Variants in FER1L5 observed in about 807,000 individuals in gnomAD.
FER1L5 encodes the protein fer-1 like family member 5, also known as fer-1-like protein 5.
Under a neutral mutation model 279.9 loss-of-function variants are expected in FER1L5, and 187 were observed. The observed-to-expected ratio is 0.67, with a 90% CI of 0.59 to 0.75. The LOEUF (loss-of-function observed/expected upper bound fraction) is 0.75, where lower values mean the gene tolerates loss of function less well. FER1L5 is among the 30% of genes least tolerant of loss of function. The probability of loss-of-function intolerance (pLI) is 0.00; values close to 1 mark genes in which losing one functional copy is unlikely to be tolerated. For missense variants in FER1L5, 2,091 were observed against 2,594.4 expected (o/e 0.81, Z 4.21); for synonymous variants, 921 against 989.7 (o/e 0.93, Z 1.30).
chr2:96,691,062 A>T lies in FER1L5; in HGVS notation c.2744-128A>T. The T allele has an allele frequency of 8.1e-7, 1 of 1,238,990 alleles. No homozygotes were observed. Among genetic ancestry groups the T allele is most frequent in the Non-Finnish European group, 1.1e-6 (1 of 917,718 alleles). The allele number at this position is 1,238,990 out of a possible 1,614,324, so 76.7% of individuals were successfully genotyped here. ...ACAGTGTAGCCACACTCTCCTTTCC[A>T]CACCTCAGGGCCAGAGACCTGGATG... On this transcript the variant is annotated intron_variant, in intron 27 of 52. Transcript: ENST00000624922. This position sits in a 1 kb window ranked among gnomAD's most constrained non-coding sequence, Gnocchi z 6.0.
At chr2:96,661,842 T>C in intron 12 of FER1L5, 51 bp downstream of exon 12, 1 of 1,548,198 alleles carries the variant, frequency 6.5e-7, no homozygotes, top group South Asian at 1.2e-5. Context: ...CCCTACACGG[T>C]GATACCCTGG....
Position 96,702,565 on chromosome 2 carries a change from C to A in FER1L5, c.5256-35C>A, listed in dbSNP as rs767372413. On this transcript the variant is annotated intron_variant, in intron 47 of 52. Coordinates refer to ENST00000624922, the MANE Select transcript of FER1L5 (RefSeq NM_001293083.2). The surrounding 1 kb of genome is among the most constrained non-coding windows in gnomAD (Gnocchi z 4.0). ...CTCCAGCTGGGGGATGGGGCCAATGCACATGAGCCACAGGTGATAGGACTC... is the reference window on the plus strand; with the variant it reads ...CTCCAGCTGGGGGATGGGGCCAATGAACATGAGCCACAGGTGATAGGACTC... The A allele has an allele frequency of 2.1e-5, 32 of 1,554,846 alleles. No homozygotes were observed. The highest frequency in any genetic ancestry group is 3.9e-5 in the Admixed American group (2 of 51,158).
intron 31 of FER1L5, among the ~76,000 whole-genome samples, chr2:96,693,139 C>A (rs2077222828): frequency 6.6e-6 from 1 of 150,726 alleles, no homozygotes; most frequent in South Asian, 2.1e-4. Flanking sequence ...TGTGCCACTG[C>A]ACTCCAGCCT....
intron 19 of FER1L5, among the ~76,000 whole-genome samples, chr2:96,678,126 T>G (rs1427299661): frequency 6.6e-6 from 1 of 152,032 alleles, no homozygotes; most frequent in Non-Finnish European, 1.5e-5. Context: ...TTTTTATTAT[T>G]TATTGATTTA....
chr2:96,647,217 T>A lies in FER1L5; in HGVS notation c.230+62T>A, dbSNP rs1224211911. Reference sequence around the variant, plus strand: ...ACCAACGCAGCAGCAAGTTATGTGATCCTTGTCTCTAATCCATAACTCACT... The same window carrying A: ...ACCAACGCAGCAGCAAGTTATGTGAACCTTGTCTCTAATCCATAACTCACT... On this transcript the variant is annotated intron_variant, in intron 3 of 52. Coordinates refer to ENST00000624922, the MANE Select transcript of FER1L5 (RefSeq NM_001293083.2). The A allele has an allele frequency of 2.7e-6, 4 of 1,487,512 alleles. No homozygotes were observed. In the East Asian group the frequency reaches 9.9e-5, roughly 37 times the overall value. The allele number at this position is 1,487,512 out of a possible 1,614,324, so 92.1% of individuals were successfully genotyped here.
chr2:96,659,285 C>A (rs2075729023), intron 9 of FER1L5, among the ~76,000 whole-genome samples: 2 of 148,530 alleles, frequency 1.3e-5, no homozygotes, highest in African/African-American at 5.2e-5. Context: ...TCCAATTTAT[C>A]AAGCTTTCCT....
chr2:96,685,979 C>T lies in FER1L5; in HGVS notation c.1935C>T (p.Thr645=), dbSNP rs779583245. 3.2e-6 allele frequency: 5 copies of T among 1,550,078 alleles called. No individual in the cohort carries two copies. The highest frequency in any genetic ancestry group is 2.0e-5 in the Admixed American group (1 of 50,830). ...GCATGACCTATCAGCCCAAAGCCACCAGCCTGGACAGGAAGAGGTGGCAGC... is the reference window on the plus strand; with the variant it reads ...GCATGACCTATCAGCCCAAAGCCACTAGCCTGGACAGGAAGAGGTGGCAGC... ...LPCMTYQPKA[T]SLDRKRWQLR... Residue 645 remains threonine (T), a synonymous_variant, in exon 22 of 53, where the codon ACC becomes ACT. Coordinates refer to ENST00000624922, the MANE Select transcript of FER1L5 (RefSeq NM_001293083.2).
intron 34 of FER1L5, 27 bp from the exon 35 acceptor site, chr2:96,695,482 T>C (rs760432928): frequency 6.4e-6 from 10 of 1,559,178 alleles, no homozygotes. Context: ...CTGCCCCTTG[T>C]CCTGCCCTCC....
intron 31 of FER1L5, 124 bp from the exon 32 acceptor site, chr2:96,693,382 G>A (rs2077232254): frequency 3.3e-6 from 3 of 918,724 alleles, no homozygotes; most frequent in Middle Eastern, 3.5e-4. Context: ...CCTCTGGGAG[G>A]CCTCAGTGGC....
intron 19 of FER1L5, among the ~76,000 whole-genome samples, chr2:96,679,676 C>T (rs1487160539): frequency 6.6e-6 from 1 of 152,242 alleles, no homozygotes; most frequent in Non-Finnish European, 1.5e-5. Context: ...AAAATACTTA[C>T]TCTGTTCCAT....
intron 9 of FER1L5, among the ~76,000 whole-genome samples, chr2:96,660,066 G>A (rs962485069): frequency 2.6e-5 from 4 of 152,142 alleles, no homozygotes; most frequent in South Asian, 2.1e-4. Context: ...TGCTTTGGCC[G>A]AGAGGGTGGC....
In FER1L5 at chr2:96,673,340, G is replaced by A. The variant is rs1185961480; in HGVS notation, c.1669+86G>A. 5 of 1,342,848 alleles carry A rather than the reference G, an allele frequency of 3.7e-6. No homozygotes were observed. The Admixed American group carries it at 7.8e-5, about 21-fold the overall frequency. 83.2% of individuals were successfully genotyped at this position (1,342,848 alleles called of 1,614,324 possible). The stretch of plus-strand genomic sequence containing the variant: ...GGCTCTCTCAGGGGTATTAGCTCAT[G>A]GAAGATTCATAGGCATTATTTACCT... On this transcript the variant is annotated intron_variant, in intron 19 of 52. Coordinates refer to ENST00000624922, the MANE Select transcript of FER1L5 (RefSeq NM_001293083.2).
At chr2:96,668,645 C>T in intron 14 of FER1L5, 106 bp from the exon 15 acceptor site, 2 of 1,336,166 alleles carry the variant, frequency 1.5e-6, no homozygotes, top group Non-Finnish European at 2.1e-6. Context: ...GTAACTGAGC[C>T]AGGACTTGCT....
intron 10 of FER1L5, 91 bp from the exon 11 acceptor site, chr2:96,661,234 C>A: frequency 1.1e-6 from 1 of 879,426 alleles, no homozygotes; most frequent in Non-Finnish European, 1.7e-6. Context: ...GACCTATTTC[C>A]ACCTTCCCCT....
At chr2:96,650,820 G>T (rs1038187608) in intron 6 of FER1L5, among the ~76,000 whole-genome samples, 2 of 152,114 alleles carry the variant, frequency 1.3e-5, no homozygotes, top group African/African-American at 4.8e-5. Context: ...GCAGCAGCTG[G>T]GAGTCTCCTG....
chr2:96,684,169 G>GC (rs2076835728), intron 19 of FER1L5, among the ~76,000 whole-genome samples, 158 bp from the exon 20 acceptor site: 1 of 152,228 alleles, frequency 6.6e-6, no homozygotes, highest in African/African-American at 2.4e-5. Context: ...TTGGGCCCCA[G>GC]CCCAGCCTCC....
intron 22 of FER1L5, 34 bp from the exon 23 acceptor site, chr2:96,686,161 C>T (rs966574625): frequency 6.5e-7 from 1 of 1,546,524 alleles, no homozygotes; most frequent in Non-Finnish European, 8.7e-7. Flanking sequence ...TGGGAGCCAG[C>T]CGCGCAGGGC....
At chr2:96,646,999 A>G in intron 2 of FER1L5, 65 bp from the exon 3 acceptor site, 3 of 1,500,754 alleles carry the variant, frequency 2.0e-6, no homozygotes, top group Non-Finnish European at 1.8e-6. Flanking sequence ...GTCTTTCCTC[A>G]TTTCCTAGAA....
chr2:96,642,792 CT>C lies in FER1L5; in HGVS notation c.-44del. On this transcript the variant is annotated 5_prime_UTR_variant, in exon 1 of 53. Transcript: ENST00000624922. ...GGACTGAGGAGCTCCAAAAAGGAAG[CT>C]GTGGCGCTGCGTAGGGAAGGAGGGA... 1.3e-6 allele frequency: 2 copies of C among 1,536,074 alleles called. No homozygotes were observed. The highest frequency in any genetic ancestry group is 1.8e-6 in the Non-Finnish European group (2 of 1,137,048).
Sources: allele counts gnomAD v4.1 joint callset (sites outside exome capture counted in the v4.1 genomes callset), GRCh38; gene constraint gnomAD v4.1.1; non-coding constraint Gnocchi (gnomAD v3.1); transcripts MANE v1.5; gene names NCBI Gene and HGNC (gene_info 2026-07-23, HGNC 2026-07-21).